FAM186B: variants seen among roughly 807,000 people sequenced by gnomAD.
FAM186B encodes family with sequence similarity 186 member B, also known as protein FAM186B.
A neutral mutation model predicts 83.4 loss-of-function variants in FAM186B; 68 were observed. That is an observed-to-expected ratio of 0.81 (90% CI 0.67 to 1.00). FAM186B has a LOEUF of 1.00. Among genes scored for constraint, FAM186B ranks in the 50% least tolerant of loss-of-function variants. The pLI, the probability that FAM186B is intolerant of heterozygous loss-of-function variation, is 0.00. For synonymous variants in FAM186B, 389 were observed against 422.0 expected, an observed-to-expected ratio of 0.92 and a Z score of 0.96; for missense variants, 983 against 1,099.2, an observed-to-expected ratio of 0.89 and a Z score of 1.49.
chr12:49,611,815 T>C, the FAM186B span, among the ~76,000 whole-genome samples: 1 of 143,020 alleles, frequency 7.0e-6, no homozygotes, highest in East Asian at 2.1e-4. Context: ...GCTGAGATCA[T>C]GCCACTGCAC....
the FAM186B span, among the ~76,000 whole-genome samples, chr12:49,617,369 AC>A: frequency 6.6e-6 from 1 of 152,096 alleles, no homozygotes; most frequent in Non-Finnish European, 1.5e-5. Context: ...AAATGGTGAA[AC>A]CCCATCTCTA....
At chr12:49,598,394 A>C (rs968818314) in intron 5 of FAM186B, among the ~76,000 whole-genome samples, 4 of 152,182 alleles carry the variant, frequency 2.6e-5, no homozygotes, top group Non-Finnish European at 4.4e-5. Flanking sequence ...GACAGGAGCA[A>C]GGCACGGAGA....
At chr12:49,620,571 T>C in the FAM186B span, among the ~76,000 whole-genome samples, 1 of 151,840 alleles carries the variant, frequency 6.6e-6, no homozygotes, top group Non-Finnish European at 1.5e-5. Flanking sequence ...TGAAAGTATA[T>C]ATGTGTATGT....
At chr12:49,601,559 A>G (rs1939894477) in intron 3 of FAM186B, among the ~76,000 whole-genome samples, 1 of 151,982 alleles carries the variant, frequency 6.6e-6, no homozygotes, top group African/African-American at 2.4e-5. Flanking sequence ...CTTTCCCATT[A>G]GCACTGGACT....
chr12:49,587,843 T>G, intron 6 of FAM186B, 91 bp from the exon 7 acceptor site: 3 of 1,413,096 alleles, frequency 2.1e-6, no homozygotes, highest in Non-Finnish European at 2.9e-6. Context: ...CAAGTGAGCT[T>G]TGTCTCCTTC....
At chr12:49,585,960 T>C (rs1716149226), downstream of FAM186B, among the ~76,000 whole-genome samples, 1 of 151,978 alleles carries the variant, frequency 6.6e-6, no homozygotes, top group Non-Finnish European at 1.5e-5. Flanking sequence ...CATGCCAAAA[T>C]AGCGGACCCC....
upstream of FAM186B, among the ~76,000 whole-genome samples, chr12:49,607,841 A>G (rs1397859289): frequency 6.6e-6 from 1 of 152,084 alleles, no homozygotes; most frequent in Non-Finnish European, 1.5e-5. Context: ...CTGAGACTAC[A>G]GGTGCGTGCC....
At chr12:49,603,431 C>G (rs1376296354) in intron 2 of FAM186B, 64 bp from the exon 3 acceptor site, 3 of 1,541,182 alleles carry the variant, frequency 1.9e-6, no homozygotes, top group Non-Finnish European at 2.7e-6. Context: ...ACAGACAGCC[C>G]TATAGCACAG....
rs370657151 is a variant in FAM186B at position 49,599,946 on chromosome 12, C to T, written c.1694G>A (p.Arg565Gln). 9.7e-5 allele frequency: 157 copies of T among 1,613,874 alleles called. 3 individuals carry two copies. In the East Asian group the frequency reaches 1.2e-3, roughly 12 times the overall value. The change falls in exon 4 of 7, where the codon CGA becomes CAA. Residue 565 changes from arginine to glutamine, a missense_variant. By Grantham distance (43) the Arg-to-Gln change is conservative (BLOSUM62 1). Coordinates refer to ENST00000257894, the MANE Select transcript of FAM186B (RefSeq NM_032130.3). The part of the protein sequence containing the change: ...VERRIFTPTS[R>Q]WRDLEKAELS... Reference sequence around the variant, plus strand: ...CTCTGCCTTCTCCAAGTCCCTCCATCGACTGGTGGGTGTGAAGATCCTCCT... The same window carrying T: ...CTCTGCCTTCTCCAAGTCCCTCCATTGACTGGTGGGTGTGAAGATCCTCCT...
the FAM186B span, among the ~76,000 whole-genome samples, chr12:49,618,804 T>TAA: frequency 2.0e-5 from 3 of 152,090 alleles, no homozygotes; most frequent in Non-Finnish European, 4.4e-5. Flanking sequence ...ATTGTCCAAG[T>TAA]AATAGGAGTT....
the FAM186B span, among the ~76,000 whole-genome samples, chr12:49,622,110 A>G: frequency 6.6e-6 from 1 of 152,272 alleles, no homozygotes; most frequent in African/African-American, 2.4e-5. Context: ...AGAGATCTCA[A>G]TAATAGTTTG....
chr12:49,595,060 CGTT>C (rs1262894094), intron 5 of FAM186B: 2 of 227,090 alleles, frequency 8.8e-6, no homozygotes, highest in South Asian at 8.5e-5. Context: ...GGAAAATTCA[CGTT>C]GTATAAATTA....
chr12:49,604,156 A>G, intron 2 of FAM186B, 157 bp downstream of exon 2: 1 of 615,420 alleles, frequency 1.6e-6, no homozygotes, highest in Non-Finnish European at 2.9e-6. Flanking sequence ...ATGTTTGGAC[A>G]CTTCTGTGTC....
chr12:49,599,335 C>G, intron 4 of FAM186B, 134 bp downstream of exon 4: 1 of 1,372,648 alleles, frequency 7.3e-7, no homozygotes, highest in Non-Finnish European at 9.5e-7. Flanking sequence ...GGCCCCCACT[C>G]AGGAGACCCT....
rs1435212311 is a variant in FAM186B, at chr12:49,601,239, T to G, written c.506-105A>C. The G allele has an allele frequency of 1.3e-5, 18 of 1,429,338 alleles. No individual in the cohort carries two copies. In the East Asian group the frequency reaches 4.3e-4, roughly 34 times the overall value. 88.5% of individuals were successfully genotyped at this position (1,429,338 alleles called of 1,614,324 possible). Reference sequence around the variant, plus strand: ...CCAAAATGGCAACCCCCTTAGGGATTTGGCGAGAGTAGGGAGCTGGGGCTG... The same window carrying G: ...CCAAAATGGCAACCCCCTTAGGGATGTGGCGAGAGTAGGGAGCTGGGGCTG... On this transcript the variant is annotated intron_variant, in intron 3 of 6. Coordinates refer to ENST00000257894, the MANE Select transcript of FAM186B (RefSeq NM_032130.3).
At chr12:49,599,053 G>A (rs1045602977) in intron 4 of FAM186B, 106 bp from the exon 5 acceptor site, 1 of 1,186,988 alleles carries the variant, frequency 8.4e-7, no homozygotes, top group Non-Finnish European at 1.2e-6. Context: ...AGAGCAAAAA[G>A]AGAAATGGAG....
At chr12:49,619,483 G>C in the FAM186B span, 15 of 678,902 alleles carry the variant, frequency 2.2e-5, no homozygotes, top group African/African-American at 2.7e-4. Context: ...TGAAGAGCAG[G>C]GGAAATACTA....
chr12:49,598,838 G>A lies in FAM186B; in HGVS notation c.2281C>T (p.Leu761=). The part of the protein sequence containing the change: ...ENIDRLQSLR[L]QAWTDKQKGL... ...TTCTGCTTGTCCGTCCAGGCCTGCA[G>A]CCTGAGACTCTGCAGGCGGTCAATG... Residue 761 remains leucine (L), a synonymous_variant, in exon 5 of 7, where the codon CTG becomes TTG. Coordinates refer to ENST00000257894, the MANE Select transcript of FAM186B (RefSeq NM_032130.3). 3.1e-6 allele frequency: 5 copies of A among 1,613,320 alleles called. No homozygotes were observed. The highest frequency in any genetic ancestry group is 4.2e-6 in the Non-Finnish European group (5 of 1,179,900).
At chr12:49,592,242 G>A (rs1276984017) in intron 5 of FAM186B, among the ~76,000 whole-genome samples, 2 of 152,210 alleles carry the variant, frequency 1.3e-5, no homozygotes, top group African/African-American at 2.4e-5. Context: ...GGGAGGCCGA[G>A]GTGGGCAGAG....
Sources: allele counts gnomAD v4.1 joint callset (sites outside exome capture counted in the v4.1 genomes callset), GRCh38; gene constraint gnomAD v4.1.1; transcripts MANE v1.5; gene names NCBI Gene and HGNC (gene_info 2026-07-23, HGNC 2026-07-21).